The following SPINK5 variants were observed in gnomAD, a reference collection of about 807,000 sequenced individuals.
The protein encoded by SPINK5 is serine peptidase inhibitor Kazal type 5, also known as serine protease inhibitor Kazal-type 5.
Under a neutral mutation model 151.8 loss-of-function variants are expected in SPINK5, and 125 were observed. That is an observed-to-expected ratio of 0.82 (90% CI 0.71 to 0.96). The LOEUF is 0.96. Ranked by LOEUF, SPINK5 falls within the 40% of genes least tolerant of loss-of-function variation. The pLI, the probability that SPINK5 is intolerant of heterozygous loss-of-function variation, is 0.00. For synonymous variants in SPINK5, 374 were observed against 395.3 expected (o/e 0.95, Z 0.64); for missense variants, 1,194 against 1,291.9 (o/e 0.92, Z 1.16).
intron 28 of SPINK5, 152 bp downstream of exon 28, chr5:148,124,989 AT>A (rs947182375): frequency 6.7e-6 from 8 of 1,202,976 alleles, no homozygotes; most frequent in African/African-American, 6.3e-5. Flanking sequence ...TCATAACAAG[AT>A]TTTTGGGGGT....
intron 2 of SPINK5, among the ~76,000 whole-genome samples, chr5:148,065,915 G>T (rs1032251582): frequency 2.0e-5 from 3 of 152,136 alleles, no homozygotes; most frequent in Non-Finnish European, 2.9e-5. Context: ...ACGTTTTAGT[G>T]TAGGAAAACA....
At chr5:148,135,392 A>G (rs1487573903) in intron 32 of SPINK5, among the ~76,000 whole-genome samples, 1 of 152,166 alleles carries the variant, frequency 6.6e-6, no homozygotes, top group Non-Finnish European at 1.5e-5. Context: ...TGGAAAAACT[A>G]CTTTATAAAG....
chr5:148,122,555 C>CCTAT (rs151165680), intron 26 of SPINK5, among the ~76,000 whole-genome samples: 13,417 of 152,102 alleles, frequency 0.088, 717 homozygotes, highest in East Asian at 0.25. Flanking sequence ...CATTCTAGAT[C>CCTAT]CTATCTGTAG....
intron 26 of SPINK5, among the ~76,000 whole-genome samples, chr5:148,122,892 T>C (rs1356180419): frequency 2.4e-5 from 2 of 84,540 alleles, no homozygotes; most frequent in Non-Finnish European, 5.3e-5. Context: ...TTTTGGTAAA[T>C]TGTGGTTGAG....
intron 30 of SPINK5, among the ~76,000 whole-genome samples, chr5:148,127,604 G>A (rs1754465533): frequency 6.6e-6 from 1 of 152,072 alleles, no homozygotes; most frequent in Admixed American, 6.5e-5. Context: ...TATAACCCCA[G>A]CACTGTGGGA....
chr5:148,118,585 GC>G (rs1754164568), intron 23 of SPINK5, 21 bp downstream of exon 23: 1 of 1,613,360 alleles, frequency 6.2e-7, no homozygotes, highest in Admixed American at 1.7e-5. Context: ...CTCTCAACAG[GC>G]ATGTCTAAAA....
At chr5:148,116,286 T>G in intron 21 of SPINK5, 84 bp from the exon 22 acceptor site, 1 of 1,346,234 alleles carries the variant, frequency 7.4e-7, no homozygotes, top group Admixed American at 1.7e-5. Context: ...CATATGTGAT[T>G]TGTTCATATA....
At chr5:148,126,899 C>A in intron 29 of SPINK5, 84 bp from the exon 30 acceptor site, 1 of 1,228,030 alleles carries the variant, frequency 8.1e-7, no homozygotes, top group Non-Finnish European at 1.1e-6. Context: ...GCCTCTGTCA[C>A]ATTTTATGAG....
chr5:148,111,026 T>C (rs1018248172), intron 18 of SPINK5, among the ~76,000 whole-genome samples: 6 of 151,902 alleles, frequency 3.9e-5, no homozygotes, highest in African/African-American at 1.5e-4. Context: ...TAACATAAAC[T>C]TCTTATCTTA....
chr5:148,095,825 C>A lies in SPINK5; in HGVS notation c.802C>A (p.Arg268Ser). 1 of 1,611,440 alleles carries A rather than the reference C, an allele frequency of 6.2e-7. No individual in the cohort carries two copies. Among genetic ancestry groups the A allele is most frequent in the Middle Eastern group, 1.7e-4 (1 of 6,026 alleles). ...TTATTTTACTTTTTCCAGCAAGCAG[C>A]GTTTTTCAGAGGAAAACAGTAAAAC... Reference protein sequence around the residue: ...CALCAEIFKQRFSEENSKTDQ... With the variant: ...CALCAEIFKQSFSEENSKTDQ... Residue 268 changes from arginine to serine, a missense_variant, in exon 10 of 33, where the codon CGT (arginine) becomes AGT (serine). Arg to Ser is a moderately radical substitution (Grantham distance 110). Transcript: ENST00000256084.
At chr5:148,076,050 A>G (rs1752871691) in intron 4 of SPINK5, among the ~76,000 whole-genome samples, 2 of 148,486 alleles carry the variant, frequency 1.3e-5, no homozygotes, top group South Asian at 2.2e-4. Flanking sequence ...GCAAACTCCT[A>G]ACTGACTATA....
In SPINK5 at chr5:148,111,938, G is replaced by C; in HGVS notation, c.1820+43G>C. 1.9e-6 allele frequency: 3 copies of C among 1,613,628 alleles called. No individual in the cohort carries two copies. The South Asian group carries it at 3.3e-5, about 18-fold the overall frequency. On this transcript the variant is annotated intron_variant, in intron 19 of 32. Transcript: ENST00000256084. The stretch of plus-strand genomic sequence containing the variant: ...ACTGCTGCTACTGAGTGTGGGAGAA[G>C]ATCAGCATCGGGTGGGCAAGAGGGG...
intron 11 of SPINK5, among the ~76,000 whole-genome samples, chr5:148,099,024 C>A (rs1158573281): frequency 1.3e-5 from 2 of 152,076 alleles, no homozygotes; most frequent in Non-Finnish European, 2.9e-5. Context: ...CTATTGCCGT[C>A]TTTCTTTCAA....
At chr5:148,092,017 C>A (rs73794660) in intron 8 of SPINK5, among the ~76,000 whole-genome samples, 4,629 of 151,814 alleles carry the variant, frequency 0.03, 243 homozygotes, top group African/African-American at 0.1. Flanking sequence ...TTTTGCCATG[C>A]TCTGGGTGTG....
intron 31 of SPINK5, 93 bp downstream of exon 31, chr5:148,131,482 T>C: frequency 6.4e-7 from 1 of 1,552,628 alleles, no homozygotes; most frequent in Non-Finnish European, 8.8e-7. Context: ...AAATTCGAAA[T>C]GTGTTGCAAG....
At chr5:148,133,244 T>C (rs1561709873) in intron 31 of SPINK5, among the ~76,000 whole-genome samples, 1 of 152,208 alleles carries the variant, frequency 6.6e-6, no homozygotes, top group Non-Finnish European at 1.5e-5. Context: ...GCAATTTCAA[T>C]TTAAGCAATG....
chr5:148,112,992 T>C (rs1260755452), intron 20 of SPINK5, 58 bp downstream of exon 20: 2 of 1,601,774 alleles, frequency 1.2e-6, no homozygotes, highest in African/African-American at 2.7e-5. Flanking sequence ...AGTATCTCTG[T>C]AAAAATAACT....
intron 14 of SPINK5, 90 bp from the exon 15 acceptor site, chr5:148,101,691 G>C (rs1027678002): frequency 1.3e-6 from 2 of 1,593,202 alleles, no homozygotes; most frequent in Non-Finnish European, 1.7e-6. Flanking sequence ...GCTAATCCTC[G>C]TTTAAGAAAA....
chr5:148,108,395 G>A (rs961710501), intron 17 of SPINK5, among the ~76,000 whole-genome samples: 2 of 152,082 alleles, frequency 1.3e-5, no homozygotes, highest in East Asian at 1.9e-4. Flanking sequence ...CCTTTATCAC[G>A]GATATGGTAG....
Sources: gnomAD v4.1 joint callset for allele counts (sites outside exome capture counted in the v4.1 genomes callset) on GRCh38, gnomAD v4.1.1 for gene constraint, MANE v1.5 for transcripts, NCBI Gene and HGNC (gene_info 2026-07-23, HGNC 2026-07-21) for gene names.